Variants in STAT2 observed in about 807,000 individuals in gnomAD.
The protein encoded by STAT2 is signal transducer and activator of transcription 2, also known as interferon alpha induced transcriptional activator.
A neutral mutation model predicts 122.3 loss-of-function variants in STAT2; 51 were observed. The ratio of observed to expected loss-of-function variants is 0.42; its 90% confidence interval spans 0.33 to 0.53. The LOEUF (loss-of-function observed/expected upper bound fraction) is 0.53. Among genes scored for constraint, STAT2 ranks in the 20% least tolerant of loss-of-function variants. The probability of loss-of-function intolerance (pLI) is 0.10; values close to 1 mark genes in which losing one functional copy is unlikely to be tolerated. For missense variants in STAT2, 736 were observed against 1,010.3 expected (o/e 0.73, Z 3.68); for synonymous variants, 351 against 394.9 (o/e 0.89, Z 1.32).
At chr12:56,345,356 T>C (rs1592464864) in intron 22 of STAT2, among the ~76,000 whole-genome samples, 1 of 143,308 alleles carries the variant, frequency 7.0e-6, no homozygotes, top group Non-Finnish European at 1.5e-5. Context: ...CTGAGTGTGA[T>C]TGAGTGTGAT....
chr12:56,357,028 T>G (rs1371793306), intron 1 of STAT2, among the ~76,000 whole-genome samples: 1 of 19,534 alleles, frequency 5.1e-5, no homozygotes, highest in East Asian at 2.8e-3. Flanking sequence ...TAATCTGTAT[T>G]TTTTTTTTTT....
rs1877884418 is a variant in STAT2 at position 56,348,470 on chromosome 12, A to C, written c.1724+59T>G. ...CTGCTTGCCACGTGAGGGTGCAGAG[A>C]CTCCACTCTCAAGCCCGGAAAGCAC... On this transcript the variant is annotated intron_variant, in intron 19 of 23. Coordinates refer to ENST00000314128, the MANE Select transcript of STAT2 (RefSeq NM_005419.4). The C allele has an allele frequency of 2.6e-6, 4 of 1,552,830 alleles. No homozygotes were observed. In the South Asian group the frequency reaches 4.5e-5, roughly 17 times the overall value.
At position 56,356,513 on chromosome 12, in the gene STAT2, T is replaced by C. The variant is rs1323204124; in HGVS notation, c.59A>G (p.Gln20Arg). 30 of 1,614,092 alleles carry C rather than the reference T, an allele frequency of 1.9e-5. No homozygotes were observed. The Admixed American group carries it at 4.5e-4, about 24-fold the overall frequency. ...LDSPFQDQLH[Q>R]LYSHSLLPVD... ...AGGCAGGAGGCTGTGCGAGTAAAGC[T>C]GGTGCAGCTGATCCTGAAAGGGGCT... The change falls in exon 2 of 24, where the codon CAG (glutamine) becomes CGG (arginine). Residue 20 changes from glutamine (Q) to arginine (R), a missense_variant. Transcript: ENST00000314128.
chr12:56,346,279 G>A, intron 21 of STAT2, 76 bp from the exon 22 acceptor site: 2 of 1,583,868 alleles, frequency 1.3e-6, no homozygotes, highest in East Asian at 2.2e-5. Context: ...TAGTGCAGAT[G>A]GTCCTGGCAG....
chr12:56,343,650 G>A, intron 23 of STAT2, 119 bp from the exon 24 acceptor site: 1 of 1,520,980 alleles, frequency 6.6e-7, no homozygotes, highest in Non-Finnish European at 8.8e-7. Flanking sequence ...GGAACTTGTG[G>A]GATGAAAGAG....
chr12:56,355,856 T>A, intron 3 of STAT2, 53 bp from the exon 4 acceptor site: 1 of 1,554,074 alleles, frequency 6.4e-7, no homozygotes, highest in Non-Finnish European at 8.9e-7. Flanking sequence ...CTCAATGACC[T>A]ATTGCCCTAG....
chr12:56,354,987 C>T, intron 6 of STAT2, 124 bp from the exon 7 acceptor site: 1 of 1,040,846 alleles, frequency 9.6e-7, no homozygotes, highest in African/African-American at 1.6e-5. Context: ...AAAGCACAGG[C>T]ACCTGTGGGA....
rs147742766 is a variant in STAT2, at chr12:56,346,085, C to T, written c.2102+61G>A. On this transcript the variant is annotated intron_variant, in intron 22 of 23. Coordinates refer to ENST00000314128, the MANE Select transcript of STAT2 (RefSeq NM_005419.4). ...AGGAGAAGGTAATGCCCCCTTTTGA[C>T]GATTCACTGAAGCAGAGCCAAAAAG... is the stretch of plus-strand genomic sequence containing the variant. The T allele has an allele frequency of 5.0e-3, 8,099 of 1,612,490 alleles. 37 individuals carry two copies. Among genetic ancestry groups the T allele is most frequent in the Middle Eastern group, 8.9e-3 (54 of 6,052 alleles).
At chr12:56,348,831 T>C (rs1877962272) in intron 17 of STAT2, 27 bp from the exon 18 acceptor site, 4 of 1,613,986 alleles carry the variant, frequency 2.5e-6, no homozygotes, top group Non-Finnish European at 3.4e-6. Flanking sequence ...CACAGACAGA[T>C]GATGAGGGAA....
intron 8 of STAT2, among the ~76,000 whole-genome samples, chr12:56,354,014 A>ATATTTATATATATATATATATATATATAT (rs1380819769): frequency 5.0e-5 from 1 of 20,186 alleles, no homozygotes; most frequent in African/African-American, 7.4e-5. Context: ...AAAAAAAAAA[A>ATATTTATATATATATATATATATATATAT]AAATATATAT....
At chr12:56,359,735 T>A (rs747239330) in intron 1 of STAT2, among the ~76,000 whole-genome samples, 1 of 152,242 alleles carries the variant, frequency 6.6e-6, no homozygotes, top group Non-Finnish European at 1.5e-5. Context: ...TTTAGATTTA[T>A]CTATCTTTGA....
Position 56,349,616 on chromosome 12 carries a change from T to C in STAT2, c.1230A>G (p.Ser410=), listed in dbSNP as rs745980962. 1.2e-6 allele frequency: 2 copies of C among 1,614,036 alleles called. No individual in the cohort carries two copies. The highest frequency in any genetic ancestry group is 1.3e-5 in the African/African-American group (1 of 74,904). Residue 410 remains serine (S), a synonymous_variant, in exon 14 of 24, where the codon TCA becomes TCG. Transcript: ENST00000314128. The stretch of plus-strand genomic sequence containing the variant: ...TATTGCTGCCCTTTCCTGAACCACC[T>C]GAACGTTGCTCCACCAGAGTCTGTG... ...FGYLTLVEQR[S]GGSGKGSNKG... is the part of the protein sequence containing the mutation.
intron 8 of STAT2, among the ~76,000 whole-genome samples, chr12:56,353,006 C>A (rs890795942): frequency 6.8e-6 from 1 of 147,880 alleles, no homozygotes; most frequent in African/African-American, 2.5e-5. Flanking sequence ...TTTTTTGAGA[C>A]GGAGTCTCGC....
At position 56,347,494 on chromosome 12, in the gene STAT2, A is replaced by G. The variant is rs1405369331; in HGVS notation, c.1725-539T>C. Among the ~76,000 whole-genome samples, 6 of 151,932 alleles carry G rather than the reference A, an allele frequency of 3.9e-5. No homozygotes were observed. The East Asian group carries it at 9.7e-4, about 25-fold the overall frequency. ...GCATGAGCAACCACGCCTGGCCACA[A>G]ATAGCACTTTTTTTTGGTTTTGTTT... On this transcript the variant is annotated intron_variant, in intron 19 of 23. Coordinates refer to ENST00000314128, the MANE Select transcript of STAT2 (RefSeq NM_005419.4).
In STAT2 at chr12:56,343,431, G is replaced by C. The variant is rs1463562976; in HGVS notation, c.2514C>G (p.Ser838Arg). 1.2e-6 allele frequency: 2 copies of C among 1,614,226 alleles called. No individual in the cohort carries two copies. The highest frequency in any genetic ancestry group is 1.7e-6 in the Non-Finnish European group (2 of 1,180,042). ...TCAAGGGTCCATCAGTGTAGAAGTG[G>C]CTGGGGCGGGAGACGTAAACCTCAT... ...TVDEVYVSRPSHFYTDGPLMP... is the reference protein window; with the variant it reads ...TVDEVYVSRPRHFYTDGPLMP... The change falls in exon 24 of 24, where the codon AGC (serine) becomes AGG (arginine). Residue 838 changes from serine to arginine, a missense_variant. Coordinates refer to ENST00000314128, the MANE Select transcript of STAT2 (RefSeq NM_005419.4).
Position 56,343,264 on chromosome 12 carries a change from T to C in STAT2, c.*125A>G, listed in dbSNP as rs879035307. 6 of 1,375,748 alleles carry C rather than the reference T, an allele frequency of 4.4e-6. No individual in the cohort carries two copies. The South Asian group carries it at 5.8e-5, about 13-fold the overall frequency. 85.2% of individuals were successfully genotyped at this position (1,375,748 alleles called of 1,614,324 possible). On this transcript the variant is annotated 3_prime_UTR_variant, in exon 24 of 24. Coordinates refer to ENST00000314128, the MANE Select transcript of STAT2 (RefSeq NM_005419.4). ...TCACCCCAATGGAGTCACACAGGCCTGAGTTTGAACAGTTAACACAGCTTG... is the reference window on the plus strand; with the variant it reads ...TCACCCCAATGGAGTCACACAGGCCCGAGTTTGAACAGTTAACACAGCTTG...
rs755128109 is a variant in STAT2 at position 56,356,247 on chromosome 12, G to A, written c.170C>T (p.Thr57Ile). The A allele has an allele frequency of 6.2e-7, 1 of 1,612,834 alleles. No homozygotes were observed. Among genetic ancestry groups the A allele is most frequent in the Non-Finnish European group, 8.5e-7 (1 of 1,180,034 alleles). Residue 57 changes from threonine (T) to isoleucine (I), a missense_variant, in exon 3 of 24, where the codon ACC becomes ATC. By Grantham distance (89) the Thr-to-Ile change is moderately conservative. Transcript: ENST00000314128. Reference protein sequence around the residue: ...AALGSDDSKATMLFFHFLDQL... With the variant: ...AALGSDDSKAIMLFFHFLDQL... ...ATCCAAGAAGTGGAAGAATAGCATG[G>A]TAGCCTTGGAATCATCACTCCCAAG...
At chr12:56,345,172 C>CAA (rs35648397) in intron 22 of STAT2, among the ~76,000 whole-genome samples, 2,340 of 27,080 alleles carry the variant, frequency 0.086, 332 homozygotes, top group African/African-American at 0.12. Context: ...GAGACTGTCT[C>CAA]AAAAAAAAAA....
In STAT2 at chr12:56,351,370, T is replaced by G; in HGVS notation, c.863A>C (p.Tyr288Ser). The G allele has an allele frequency of 1.9e-6, 3 of 1,614,118 alleles. No individual in the cohort carries two copies. Among genetic ancestry groups the G allele is most frequent in the Non-Finnish European group, 2.5e-6 (3 of 1,180,020 alleles). ...ELKGLSCLVS[Y>S]QDDPLTKGVD... Reference sequence around the variant, plus strand: ...CCCTTTGGTCAGAGGGTCATCCTGATAGCTAACCAGGCAACTCAGTCCCTT... The same window carrying G: ...CCCTTTGGTCAGAGGGTCATCCTGAGAGCTAACCAGGCAACTCAGTCCCTT... Residue 288 changes from tyrosine (Y) to serine (S), a missense_variant, in exon 9 of 24, where the codon TAT (tyrosine) becomes TCT (serine). Transcript: ENST00000314128.
Sources: allele counts gnomAD v4.1 joint callset (sites outside exome capture counted in the v4.1 genomes callset), GRCh38; gene constraint gnomAD v4.1.1; transcripts MANE v1.5; gene names NCBI Gene and HGNC (gene_info 2026-07-23, HGNC 2026-07-21).